Variants in TRAK2 observed in about 807,000 individuals in gnomAD.
TRAK2 encodes trafficking kinesin protein 2, also known as trafficking kinesin-binding protein 2.
A neutral mutation model predicts 104.6 loss-of-function variants in TRAK2; 81 were observed. The observed-to-expected ratio is 0.77, with a 90% CI of 0.65 to 0.93. The LOEUF (loss-of-function observed/expected upper bound fraction) is 0.93, where lower values mean the gene tolerates loss of function less well. TRAK2 is among the 40% of genes least tolerant of loss of function. The pLI, the probability that TRAK2 is intolerant of heterozygous loss-of-function variation, is 0.00. For synonymous variants in TRAK2, 406 were observed against 394.4 expected (o/e 1.03, Z -0.35); for missense variants, 1,002 against 1,089.0 (o/e 0.92, Z 1.12).
At position 201,378,257 on chromosome 2, in the gene TRAK2, T is replaced by C. The variant is rs974068437; in HGVS notation, c.*2286A>G. On this transcript the variant is annotated 3_prime_UTR_variant, in exon 16 of 16. Coordinates refer to ENST00000332624, the MANE Select transcript of TRAK2 (RefSeq NM_015049.3). Reference sequence around the variant, plus strand: ...TCAGATGTGCTTATTTGGCTGCTAATACACCCCCACCACCCTGCCTCCAAA... The same window carrying C: ...TCAGATGTGCTTATTTGGCTGCTAACACACCCCCACCACCCTGCCTCCAAA... 3.3e-5 allele frequency: 5 copies of C among 152,180 alleles called. No homozygotes were observed. The highest frequency in any genetic ancestry group is 5.9e-5 in the Non-Finnish European group (4 of 68,032). The allele number at this position is 152,180 out of a possible 1,614,324, so 9.4% of individuals were successfully genotyped here.
chr2:201,388,056 G>C (rs1329482024), intron 12 of TRAK2, 55 bp from the exon 13 acceptor site: 1 of 1,542,604 alleles, frequency 6.5e-7, no homozygotes, highest in South Asian at 1.1e-5. Flanking sequence ...GCATGACCCA[G>C]ACCTCTCCTT....
intron 13 of TRAK2, among the ~76,000 whole-genome samples, chr2:201,386,831 A>G (rs748842818): frequency 2.6e-5 from 4 of 152,228 alleles, no homozygotes; most frequent in Non-Finnish European, 4.4e-5. Flanking sequence ...AAAAAAGTCA[A>G]TACTTCTCTG....
chr2:201,391,720 A>G (rs1249199014), intron 10 of TRAK2, among the ~76,000 whole-genome samples: 1 of 152,230 alleles, frequency 6.6e-6, no homozygotes, highest in Non-Finnish European at 1.5e-5. Flanking sequence ...TGGGCTAAAC[A>G]GACATTATGC....
intron 2 of TRAK2, chr2:201,411,067 T>A: frequency 8.5e-7 from 1 of 1,181,320 alleles, no homozygotes; most frequent in Non-Finnish European, 1.3e-6. Flanking sequence ...GAAAACATCA[T>A]GTCAATGCCC....
At position 201,436,403 on chromosome 2, in the gene TRAK2, A is replaced by C. The variant is rs1951880148; in HGVS notation, c.-200+14947T>G. Among the ~76,000 whole-genome samples the C allele has an allele frequency of 3.3e-5, 5 of 152,214 alleles. No individual in the cohort carries two copies. In the South Asian group the frequency reaches 1.0e-3, roughly 31 times the overall value. On this transcript the variant is annotated intron_variant, in intron 1 of 15. Coordinates refer to ENST00000332624, the MANE Select transcript of TRAK2 (RefSeq NM_015049.3). ...AAATTTAGGCGCTAGTTTCAATAAA[A>C]AGACACCATTGGCCGAAAACCTGGA...
At chr2:201,406,487 G>C (rs1351044629) in intron 3 of TRAK2, among the ~76,000 whole-genome samples, 1 of 152,116 alleles carries the variant, frequency 6.6e-6, no homozygotes, top group East Asian at 1.9e-4. Context: ...AAAAATTCTA[G>C]GAAACTAGTG....
intron 14 of TRAK2, 94 bp downstream of exon 14, chr2:201,386,124 C>A: frequency 1.5e-6 from 2 of 1,345,778 alleles, no homozygotes; most frequent in Non-Finnish European, 2.1e-6. Flanking sequence ...TAAGTACCCT[C>A]CAGTGAGCAG....
chr2:201,399,530 A>G, intron 4 of TRAK2, 37 bp from the exon 5 acceptor site: 1 of 1,519,540 alleles, frequency 6.6e-7, no homozygotes, highest in Non-Finnish European at 9.1e-7. Context: ...CTTTGAGTAT[A>G]AACAAGGTTA....
chr2:201,428,409 C>T (rs1951809509), intron 1 of TRAK2, among the ~76,000 whole-genome samples: 1 of 152,162 alleles, frequency 6.6e-6, no homozygotes, highest in Middle Eastern at 3.2e-3. Context: ...TTCCCAGCAC[C>T]ATTTATTAAA....
chr2:201,397,514 C>A lies in TRAK2; in HGVS notation c.757G>T (p.Val253Phe). 1 of 1,612,240 alleles carries A rather than the reference C, an allele frequency of 6.2e-7. No homozygotes were observed. Among genetic ancestry groups the A allele is most frequent in the Non-Finnish European group, 8.5e-7 (1 of 1,178,834 alleles). Residue 253 changes from valine to phenylalanine, a missense_variant, in exon 7 of 16, where the codon GTT becomes TTT. Physicochemically the swap from Val to Phe is conservative, Grantham distance 50. Transcript: ENST00000332624. ...TGTTAATACTCACGAAGTTCTTTAA[C>A]ACAGTCGCTGACAAGCTGTTGTTCC... ...EKEQQLVSDC[V>F]KELRETNAQM...
chr2:201,423,037 C>CCACCACACACA (rs776613893), intron 1 of TRAK2, among the ~76,000 whole-genome samples: 89 of 134,222 alleles, frequency 6.6e-4, no homozygotes, highest in African/African-American at 2.5e-3. Flanking sequence ...AACACCACCA[C>CCACCACACACA]CACACACACA....
chr2:201,394,689 G>T, intron 9 of TRAK2, 109 bp downstream of exon 9: 3 of 948,054 alleles, frequency 3.2e-6, no homozygotes, highest in Non-Finnish European at 3.2e-6. Flanking sequence ...ACCTTTTGTT[G>T]TTGTTTTTTA....
At chr2:201,406,451 T>C (rs1951595617) in intron 3 of TRAK2, among the ~76,000 whole-genome samples, 1 of 152,106 alleles carries the variant, frequency 6.6e-6, no homozygotes, top group African/African-American at 2.4e-5. Flanking sequence ...TTTTGAGCAG[T>C]AATAAGTTCT....
At chr2:201,411,145 A>T in intron 2 of TRAK2, 1 of 788,788 alleles carries the variant, frequency 1.3e-6, no homozygotes, top group Non-Finnish European at 2.2e-6. Flanking sequence ...AGGCTAGTCA[A>T]AGATGACATA....
chr2:201,422,296 T>G (rs1188064541), intron 1 of TRAK2, among the ~76,000 whole-genome samples: 5 of 151,940 alleles, frequency 3.3e-5, no homozygotes. Flanking sequence ...AAATAAATGG[T>G]TTAATAACAG....
chr2:201,443,401 A>G (rs562785432), intron 1 of TRAK2, among the ~76,000 whole-genome samples: 101 of 152,250 alleles, frequency 6.6e-4, no homozygotes, highest in African/African-American at 2.3e-3. Flanking sequence ...CTCATTCTCA[A>G]ACTCCTCACT....
At chr2:201,411,043 T>C in intron 2 of TRAK2, 2 of 1,261,122 alleles carry the variant, frequency 1.6e-6, no homozygotes, top group South Asian at 2.4e-5. Context: ...CTCTTTGTAT[T>C]ATCAACTGGT....
rs369111060 is a variant in TRAK2, at chr2:201,407,383, A to G, written c.286+20T>C. 6.2e-7 allele frequency: 1 copy of G among 1,600,918 alleles called. No individual in the cohort carries two copies. The highest frequency in any genetic ancestry group is 8.5e-7 in the Non-Finnish European group (1 of 1,172,486). ...TCATTACTTTAATGCACAAACTAAA[A>G]GAGTAAAAAAAATACTCACTCATGT... On this transcript the variant is annotated intron_variant, in intron 3 of 15. Coordinates refer to ENST00000332624, the MANE Select transcript of TRAK2 (RefSeq NM_015049.3).
At chr2:201,395,092 G>A (rs1317810885) in intron 8 of TRAK2, 2 of 604,576 alleles carry the variant, frequency 3.3e-6, no homozygotes, top group Middle Eastern at 4.4e-4. Flanking sequence ...ACCACTTTCT[G>A]AGGAAGCACT....
Sources: gnomAD v4.1 joint callset for allele counts (sites outside exome capture counted in the v4.1 genomes callset) on GRCh38, gnomAD v4.1.1 for gene constraint, MANE v1.5 for transcripts, NCBI Gene and HGNC (gene_info 2026-07-23, HGNC 2026-07-21) for gene names.